The following ZNF331 variants were observed in gnomAD, a reference collection of about 807,000 sequenced individuals.
The protein encoded by ZNF331 is zinc finger protein 331, also known as C2H2-like zinc finger protein rearranged in thyroid adenomas.
In ZNF331, 2 loss-of-function variants were observed where a neutral mutation model predicts 7.0. The observed-to-expected ratio is 0.29, with a 90% CI of 0.12 to 0.90. ZNF331 has a LOEUF of 0.90. Ranked by LOEUF, ZNF331 falls within the 40% of genes least tolerant of loss-of-function variation. ZNF331 has a pLI of 0.58. For missense variants in ZNF331, 432 were observed against 587.7 expected (o/e 0.74, Z 2.74); for synonymous variants, 196 against 205.4 (o/e 0.95, Z 0.39).
chr19:53,541,426 T>TTTTTG (rs547719952), intron 2 of ZNF331, among the ~76,000 whole-genome samples: 20 of 152,034 alleles, frequency 1.3e-4, no homozygotes, highest in Middle Eastern at 3.4e-3. Context: ...CTTTTATGTG[T>TTTTTG]TTTTGTTTTG....
chr19:53,561,416 C>T (rs1220602869), intron 3 of ZNF331, among the ~76,000 whole-genome samples: 1 of 151,242 alleles, frequency 6.6e-6, no homozygotes, highest in Non-Finnish European at 1.5e-5. Flanking sequence ...GTGCGATCCA[C>T]AGGTCATTAC....
chr19:53,572,573 TTATA>T (rs1195741515), intron 5 of ZNF331, among the ~76,000 whole-genome samples: 1 of 58,472 alleles, frequency 1.7e-5, no homozygotes, highest in Non-Finnish European at 3.5e-5. Context: ...CACATATATA[TTATA>T]TATACACATA....
At chr19:53,563,002 CA>C (rs1886179998) in intron 3 of ZNF331, among the ~76,000 whole-genome samples, 2 of 151,806 alleles carry the variant, frequency 1.3e-5, no homozygotes, top group Non-Finnish European at 2.9e-5. Flanking sequence ...AAACAAAAAA[CA>C]AAAAACCAGA....
chr19:53,558,988 CAT>C lies in ZNF331; in HGVS notation c.-74+3082_-74+3083del, dbSNP rs1446208106. On this transcript the variant is annotated intron_variant, in intron 3 of 5. Transcript: ENST00000449416. This position sits in a 1 kb window ranked among gnomAD's most constrained non-coding sequence, Gnocchi z 4.5. ...CACACCATACACACATATACACACA[CAT>C]ACCCCATATATACACACATATACAT... Among the ~76,000 whole-genome samples the C allele has an allele frequency of 7.3e-5, 11 of 150,364 alleles. No individual in the cohort carries two copies. The highest frequency in any genetic ancestry group is 1.0e-4 in the Non-Finnish European group (7 of 67,544).
chr19:53,578,180 A>G lies in ZNF331; in HGVS notation c.*228A>G. ...CCTTGGTCCAGCACATCCACGCTGT[A>G]TACGCCACCCACCCTGCTAGTGACT... On this transcript the variant is annotated 3_prime_UTR_variant, in exon 6 of 6. Coordinates refer to ENST00000449416, the MANE Select transcript of ZNF331 (RefSeq NM_001079906.2). 2 of 519,000 alleles carry G rather than the reference A, an allele frequency of 3.9e-6. No homozygotes were observed. Among genetic ancestry groups the G allele is most frequent in the East Asian group, 3.3e-5 (1 of 30,378 alleles). 32.1% of individuals were successfully genotyped at this position (519,000 alleles called of 1,614,324 possible).
At chr19:53,515,498 G>A (rs1163969239), upstream of ZNF331, among the ~76,000 whole-genome samples, 1 of 151,976 alleles carries the variant, frequency 6.6e-6, no homozygotes, top group Non-Finnish European at 1.5e-5. Flanking sequence ...ACTTTGTTTG[G>A]TTGGTTGTTT....
Position 53,573,984 on chromosome 19 carries a change from C to T in ZNF331, c.136+2254C>T, listed in dbSNP as rs1021005593. On this transcript the variant is annotated intron_variant, in intron 5 of 5. Transcript: ENST00000449416. The surrounding 1 kb of genome is among the most constrained non-coding windows in gnomAD (Gnocchi z 4.2). Reference sequence around the variant, plus strand: ...AAAAATTAGCCGGTGTGCTGGTGTGCGCCTGTAATCCCAGCTACCCAGGAG... The same window carrying T: ...AAAAATTAGCCGGTGTGCTGGTGTGTGCCTGTAATCCCAGCTACCCAGGAG... Among the ~76,000 whole-genome samples, 1 of 151,958 alleles carries T rather than the reference C, an allele frequency of 6.6e-6. No homozygotes were observed. Among genetic ancestry groups the T allele is most frequent in the Non-Finnish European group, 1.5e-5 (1 of 67,996 alleles).
intron 2 of ZNF331, among the ~76,000 whole-genome samples, chr19:53,544,413 T>TGGC (rs1568483631): frequency 3.7e-5 from 5 of 136,032 alleles, no homozygotes. Flanking sequence ...GGCGAGGTAG[T>TGGC]GGGCACCTGT....
rs1264559560 is a variant in ZNF331, at chr19:53,577,582, G to C, written c.1022G>C (p.Ser341Thr). 1 of 1,612,732 alleles carries C rather than the reference G, an allele frequency of 6.2e-7. No individual in the cohort carries two copies. Among genetic ancestry groups the C allele is most frequent in the African/African-American group, 1.3e-5 (1 of 74,446 alleles). Reference sequence around the variant, plus strand: ...GGGAAGGCCTTTCGCTGGGGTTCGAGCCTCGTTAAGCACGAGAGGATACAT... The same window carrying C: ...GGGAAGGCCTTTCGCTGGGGTTCGACCCTCGTTAAGCACGAGAGGATACAT... ...ECGKAFRWGSSLVKHERIHTG... is the reference protein window; with the variant it reads ...ECGKAFRWGSTLVKHERIHTG... Residue 341 changes from serine (S) to threonine (T), a missense_variant, in exon 6 of 6, where the codon AGC becomes ACC. Physicochemically the swap from Ser to Thr is moderately conservative, Grantham distance 58. Transcript: ENST00000449416.
chr19:53,548,730 A>G (rs2088788913), intron 2 of ZNF331, among the ~76,000 whole-genome samples: 1 of 152,128 alleles, frequency 6.6e-6, no homozygotes, highest in Non-Finnish European at 1.5e-5. Context: ...CTAAAAACTC[A>G]TTGCCAAGGG....
At chr19:53,545,318 C>T (rs969597097) in intron 2 of ZNF331, among the ~76,000 whole-genome samples, 2 of 152,150 alleles carry the variant, frequency 1.3e-5, no homozygotes, top group African/African-American at 4.8e-5. Context: ...CACCCTGTGA[C>T]GTTAGTACTT....
At chr19:53,506,266 C>T in the ZNF331 span, among the ~76,000 whole-genome samples, 33,342 of 78,024 alleles carry the variant, frequency 0.43, 7,958 homozygotes, top group African/African-American at 0.57. Flanking sequence ...ACCCGGGAGG[C>T]GGAGCTTGCA....
chr19:53,535,018 C>CA (rs59509834), upstream of ZNF331, among the ~76,000 whole-genome samples: 70,572 of 126,886 alleles, frequency 0.56, 19,488 homozygotes, highest in Middle Eastern at 0.7. Context: ...AGCCTGTAAC[C>CA]AAAAAAAAAA....
Position 53,547,871 on chromosome 19 carries a change from G to T in ZNF331, c.-137-7974G>T, listed in dbSNP as rs990523028. Among the ~76,000 whole-genome samples the T allele has an allele frequency of 2.0e-5, 3 of 152,086 alleles. No individual in the cohort carries two copies. The South Asian group carries it at 6.2e-4, about 32-fold the overall frequency. ...AGTTTTCTGCCCATTTATTATCAGG[G>T]TTGTTTGGTTTTTTGCTGTTAAGTT... is the stretch of plus-strand genomic sequence containing the variant. On this transcript the variant is annotated intron_variant, in intron 2 of 5. Coordinates refer to ENST00000449416, the MANE Select transcript of ZNF331 (RefSeq NM_001079906.2).
chr19:53,561,976 C>T (rs1001990157), intron 3 of ZNF331, among the ~76,000 whole-genome samples: 1 of 151,880 alleles, frequency 6.6e-6, no homozygotes, highest in Non-Finnish European at 1.5e-5. Context: ...GGTGAAACGC[C>T]GTCTCTACAA....
intron 3 of ZNF331, among the ~76,000 whole-genome samples, chr19:53,562,585 G>A (rs1404487062): frequency 6.6e-6 from 1 of 151,740 alleles, no homozygotes; most frequent in Non-Finnish European, 1.5e-5. Flanking sequence ...AGCTTCTTGG[G>A]AGGCTGAGGT....
rs1407501211 is a variant in ZNF331 at position 53,580,150 on chromosome 19, A to G, written c.*2198A>G. The G allele has an allele frequency of 9.8e-6, 2 of 204,378 alleles. No homozygotes were observed. The highest frequency in any genetic ancestry group is 2.0e-5 in the Non-Finnish European group (2 of 99,870). 12.7% of individuals were successfully genotyped at this position (204,378 alleles called of 1,614,324 possible). Reference sequence around the variant, plus strand: ...AGGGAGCGAGGTGATGGATATGTTAATTAGCTTGATTTAATCCTTCCACAT... The same window carrying G: ...AGGGAGCGAGGTGATGGATATGTTAGTTAGCTTGATTTAATCCTTCCACAT... On this transcript the variant is annotated 3_prime_UTR_variant, in exon 6 of 6. Coordinates refer to ENST00000449416, the MANE Select transcript of ZNF331 (RefSeq NM_001079906.2).
intron 1 of ZNF331, 112 bp downstream of exon 1, chr19:53,538,408 C>G (rs1311363657): frequency 1.3e-5 from 2 of 152,222 alleles, no homozygotes; most frequent in Admixed American, 6.5e-5. Flanking sequence ...TAACTGGTGA[C>G]CGGGGGTGCT....
chr19:53,522,238 G>C (rs2087111676), intron 1 of ZNF331, among the ~76,000 whole-genome samples: 1 of 148,884 alleles, frequency 6.7e-6, no homozygotes, highest in South Asian at 2.1e-4. Context: ...GGACAAGTGT[G>C]CCCTATTTTC....
Sources: allele counts gnomAD v4.1 joint callset (sites outside exome capture counted in the v4.1 genomes callset), GRCh38; gene constraint gnomAD v4.1.1; non-coding constraint Gnocchi (gnomAD v3.1); transcripts MANE v1.5; gene names NCBI Gene and HGNC (gene_info 2026-07-23, HGNC 2026-07-21).